Variants in CRHBP observed in about 807,000 individuals in gnomAD.
CRHBP encodes the protein corticotropin releasing hormone binding protein, also known as corticotropin-releasing hormone-binding protein.
A neutral mutation model predicts 34.9 loss-of-function variants in CRHBP; 19 were observed. The ratio of observed to expected loss-of-function variants is 0.55; its 90% confidence interval spans 0.38 to 0.80. The LOEUF (loss-of-function observed/expected upper bound fraction) is 0.80. CRHBP is among the 30% of genes least tolerant of loss of function. CRHBP has a pLI of 0.00. For synonymous variants in CRHBP, 154 were observed against 153.4 expected, an observed-to-expected ratio of 1.00 and a Z score of -0.03; for missense variants, 328 against 409.2, an observed-to-expected ratio of 0.80 and a Z score of 1.71.
At chr5:76,973,613 G>C (rs1425801178), downstream of CRHBP, among the ~76,000 whole-genome samples, 1 of 152,064 alleles carries the variant, frequency 6.6e-6, no homozygotes, top group Non-Finnish European at 1.5e-5. Flanking sequence ...TAGTGAATCT[G>C]GCTGCAAAAT....
intron 2 of CRHBP, 100 bp from the exon 3 acceptor site, chr5:76,953,929 T>C: frequency 6.9e-7 from 1 of 1,439,694 alleles, no homozygotes; most frequent in South Asian, 1.3e-5. Context: ...CGCTGGGCAC[T>C]ACAGAGCCCG....
In CRHBP at chr5:76,968,453, ATCT is replaced by A. The variant is rs150127184; in HGVS notation, c.812-270_812-268del. Among the ~76,000 whole-genome samples, 682 of 152,344 alleles carry A rather than the reference ATCT, an allele frequency of 4.5e-3. 8 individuals carry two copies. The highest frequency in any genetic ancestry group is 0.016 in the African/African-American group (655 of 41,570). Reference sequence around the variant, plus strand: ...TGCAGGCAAAAAAGGCCGAGGAGACATCTTCTTGCCTCTTTCCAGCTAGTTTTA... The same window carrying A: ...TGCAGGCAAAAAAGGCCGAGGAGACATCTTGCCTCTTTCCAGCTAGTTTTA... On this transcript the variant is annotated intron_variant, in intron 6 of 6. Transcript: ENST00000274368.
At chr5:76,979,867 A>G (rs1424768620) in intron 3 of CRHBP, among the ~76,000 whole-genome samples, 2 of 152,286 alleles carry the variant, frequency 1.3e-5, no homozygotes, top group Admixed American at 1.3e-4. Flanking sequence ...GCACTGTTCT[A>G]CAGACTTCCT....
chr5:76,966,509 C>T (rs1409876322), intron 6 of CRHBP, among the ~76,000 whole-genome samples: 2 of 152,162 alleles, frequency 1.3e-5, no homozygotes, highest in Non-Finnish European at 2.9e-5. Context: ...TGATCCGTCG[C>T]TACTTGGGCT....
At position 76,953,691 on chromosome 5, in the gene CRHBP, C is replaced by A. The variant is rs886955758; in HGVS notation, c.172C>A (p.Leu58Met). 1 of 1,607,782 alleles carries A rather than the reference C, an allele frequency of 6.2e-7. No individual in the cohort carries two copies. Among genetic ancestry groups the A allele is most frequent in the African/African-American group, 1.3e-5 (1 of 74,938 alleles). ...LAGEQPYRRA[L>M]RCLDMLSLQG... ...TGGGGAGCAGCCGTACCGCCGCGCT[C>A]TGCGTGAGTCGAGGCTGCCCGGCTC... The change falls in exon 2 of 7, where the codon CTG becomes ATG. Residue 58 changes from leucine to methionine, a missense_variant. Around this residue, in one of 3 missense-constraint regions of CRHBP, gnomAD observed 173 missense variants for 172.2 expected, o/e 1.00. Transcript: ENST00000274368.
At chr5:76,975,825 A>AAAAAAAAAATATATATATATATATAT in intron 2 of CRHBP, among the ~76,000 whole-genome samples, 3 of 61,838 alleles carry the variant, frequency 4.9e-5, no homozygotes, top group Non-Finnish European at 8.2e-5. Context: ...AAAAAAAAAA[A>AAAAAAAAAATATATATATATATATAT]ATATATATAT....
At chr5:76,970,535 T>G (rs2150710414), downstream of CRHBP, among the ~76,000 whole-genome samples, 1 of 152,198 alleles carries the variant, frequency 6.6e-6, no homozygotes, top group Middle Eastern at 3.4e-3. Context: ...CTTGAATGGA[T>G]GGATGGATGG....
chr5:76,971,553 GT>G (rs1745944525), downstream of CRHBP, among the ~76,000 whole-genome samples: 1 of 152,222 alleles, frequency 6.6e-6, no homozygotes, highest in Non-Finnish European at 1.5e-5. Context: ...GTTGTTGCCT[GT>G]CACTGAGAAG....
intron 5 of CRHBP, among the ~76,000 whole-genome samples, chr5:76,962,519 C>T (rs982824387): frequency 3.3e-5 from 5 of 151,560 alleles, no homozygotes; most frequent in Admixed American, 1.3e-4. Context: ...TGGCTCACAC[C>T]TGTAATCCCA....
At chr5:76,954,936 T>C (rs1490701316) in intron 3 of CRHBP, among the ~76,000 whole-genome samples, 1 of 152,216 alleles carries the variant, frequency 6.6e-6, no homozygotes, top group African/African-American at 2.4e-5. Flanking sequence ...TTAGAAATAA[T>C]TTGTAGCTGG....
downstream of CRHBP, among the ~76,000 whole-genome samples, chr5:76,971,039 C>T (rs1185216663): frequency 6.6e-6 from 1 of 152,124 alleles, no homozygotes; most frequent in Admixed American, 6.5e-5. Context: ...TTTCTGGAAA[C>T]AAAATGGTAA....
chr5:76,953,757 G>A lies in CRHBP; in HGVS notation c.175+63G>A. On this transcript the variant is annotated intron_variant, in intron 2 of 6. Coordinates refer to ENST00000274368, the MANE Select transcript of CRHBP (RefSeq NM_001882.4). ...GCGGGGAAGGTGGGACTCTGTGCGG[G>A]GGGCAGAGGGCTCGCGGACATCTCG... 6 of 1,478,704 alleles carry A rather than the reference G, an allele frequency of 4.1e-6. No homozygotes were observed. In the South Asian group the frequency reaches 7.2e-5, roughly 18 times the overall value. 91.6% of individuals were successfully genotyped at this position (1,478,704 alleles called of 1,614,324 possible).
In CRHBP at chr5:76,958,723, T is replaced by C. The variant is rs918299040; in HGVS notation, c.545-18T>C. 15 of 1,596,210 alleles carry C rather than the reference T, an allele frequency of 9.4e-6. No homozygotes were observed. Among genetic ancestry groups the C allele is most frequent in the Middle Eastern group, 1.7e-4 (1 of 5,948 alleles). ...ACCAAGTAAAGGAAACGTGAATTTCTTTTTCTTTTCTACAAAGCTTGCAAT... is the reference window on the plus strand; with the variant it reads ...ACCAAGTAAAGGAAACGTGAATTTCCTTTTCTTTTCTACAAAGCTTGCAAT... On this transcript the variant is annotated intron_variant, in intron 4 of 6. Transcript: ENST00000274368.
intron 4 of CRHBP, among the ~76,000 whole-genome samples, chr5:76,957,726 G>A (rs1451740390): frequency 1.3e-5 from 2 of 152,186 alleles, no homozygotes; most frequent in Non-Finnish European, 2.9e-5. Context: ...ACAAAAAATT[G>A]TAGAAGTTCT....
chr5:76,974,445 C>CGCTCGG, downstream of CRHBP, among the ~76,000 whole-genome samples: 1 of 134,742 alleles, frequency 7.4e-6, no homozygotes, highest in South Asian at 2.4e-4. Flanking sequence ...GGCCACCATG[C>CGCTCGG]CAGGCTGCTT....
chr5:76,953,574 T>C (rs1745608670), intron 1 of CRHBP, 27 bp from the exon 2 acceptor site: 2 of 1,604,924 alleles, frequency 1.2e-6, no homozygotes, highest in African/African-American at 1.3e-5. Flanking sequence ...CTTGAACTTT[T>C]CCGGACTGAC....
intron 6 of CRHBP, among the ~76,000 whole-genome samples, chr5:76,964,296 G>A (rs190743994): frequency 6.6e-6 from 1 of 152,178 alleles, no homozygotes; most frequent in African/African-American, 2.4e-5. Context: ...AAGAACAGCA[G>A]TCTCTAATCT....
At chr5:76,957,087 T>C (rs942012066) in intron 4 of CRHBP, among the ~76,000 whole-genome samples, 4 of 152,152 alleles carry the variant, frequency 2.6e-5, no homozygotes, top group African/African-American at 9.7e-5. Context: ...ATGCCTGTAA[T>C]CCTAGCACTT....
At chr5:76,960,768 T>G (rs1346337733) in intron 5 of CRHBP, among the ~76,000 whole-genome samples, 1 of 136,536 alleles carries the variant, frequency 7.3e-6, no homozygotes, top group Middle Eastern at 3.6e-3. Context: ...GTTTTTTGTT[T>G]TTTGTTTTTT....
Sources: gnomAD v4.1 joint callset for allele counts (sites outside exome capture counted in the v4.1 genomes callset) on GRCh38, gnomAD v4.1.1 for gene constraint, gnomAD v4.1.1 regional missense constraint, MANE v1.5 for transcripts, NCBI Gene and HGNC (gene_info 2026-07-23, HGNC 2026-07-21) for gene names.